Variants in TMCC1 observed in about 807,000 individuals in gnomAD.
TMCC1 encodes transmembrane and coiled-coil domain family 1, also known as transmembrane and coiled-coil domains protein 1.
A neutral mutation model predicts 52.4 loss-of-function variants in TMCC1; 15 were observed. The observed-to-expected ratio is 0.29, with a 90% confidence interval of 0.19 to 0.44. The LOEUF is 0.44. TMCC1 is among the 20% of genes least tolerant of loss of function. The probability of loss-of-function intolerance (pLI) is 1.00; values close to 1 mark genes in which losing one functional copy is unlikely to be tolerated. For missense variants in TMCC1, 503 were observed against 806.0 expected (o/e 0.62, Z 4.55); for synonymous variants, 279 against 301.9 (o/e 0.92, Z 0.79).
chr3:129,773,613 T>C (rs760520979), intron 4 of TMCC1, among the ~76,000 whole-genome samples: 3 of 152,130 alleles, frequency 2.0e-5, no homozygotes, highest in Non-Finnish European at 2.9e-5. Context: ...GTTCATAAAT[T>C]AACAACACAG....
intron 4 of TMCC1, among the ~76,000 whole-genome samples, chr3:129,796,114 A>G (rs1199931432): frequency 6.6e-6 from 1 of 152,212 alleles, no homozygotes; most frequent in Non-Finnish European, 1.5e-5. Flanking sequence ...GTGGTCCCAT[A>G]AGATTATAAT....
intron 2 of TMCC1, among the ~76,000 whole-genome samples, chr3:129,870,553 C>T (rs555700319): frequency 6.6e-6 from 1 of 151,702 alleles, no homozygotes; most frequent in East Asian, 1.9e-4. Flanking sequence ...TCCTGGCTAA[C>T]ATGGTGAAAC....
chr3:129,810,579 C>T lies in TMCC1; in HGVS notation c.576+17224G>A, dbSNP rs377303417. Among the ~76,000 whole-genome samples the T allele has an allele frequency of 4.6e-5, 7 of 152,236 alleles. No homozygotes were observed. The East Asian group carries it at 1.4e-3, about 29-fold the overall frequency. The stretch of plus-strand genomic sequence containing the variant: ...CAAGTTCACCCTATATCTTAAGGCT[C>T]AATGGGCAAACATTCCTAAGAAGAA... On this transcript the variant is annotated intron_variant, in intron 4 of 6. Transcript: ENST00000393238.
chr3:129,820,907 T>C lies in TMCC1; in HGVS notation c.576+6896A>G, dbSNP rs2811346. Reference sequence around the variant, plus strand: ...GCACTGTTCAGAGGTTAGTAAGAGGTGGCGACTTCCAGCAATTTCATTGTG... The same window carrying C: ...GCACTGTTCAGAGGTTAGTAAGAGGCGGCGACTTCCAGCAATTTCATTGTG... On this transcript the variant is annotated intron_variant, in intron 4 of 6. Coordinates refer to ENST00000393238, the MANE Select transcript of TMCC1 (RefSeq NM_001017395.5). Among the ~76,000 whole-genome samples the C allele has an allele frequency of 3.9e-3, 592 of 152,354 alleles. 2 individuals are homozygous for C. The highest frequency in any genetic ancestry group is 6.7e-3 in the Non-Finnish European group (458 of 68,042).
chr3:129,788,392 G>A (rs2056192595), intron 4 of TMCC1, among the ~76,000 whole-genome samples: 1 of 152,088 alleles, frequency 6.6e-6, no homozygotes, highest in African/African-American at 2.4e-5. Flanking sequence ...CTATAGGGAG[G>A]TCATTCTCTA....
At chr3:129,802,169 A>G (rs188342706) in intron 4 of TMCC1, among the ~76,000 whole-genome samples, 62 of 152,340 alleles carry the variant, frequency 4.1e-4, no homozygotes, top group Non-Finnish European at 7.5e-4. Flanking sequence ...ACACTCCAAC[A>G]TAAGATTGCA....
chr3:129,794,330 T>G (rs772026732), intron 4 of TMCC1: 1 of 456,296 alleles, frequency 2.2e-6, no homozygotes, highest in South Asian at 1.5e-5. Flanking sequence ...CCACCTTGGA[T>G]AGCTGCCTCC....
intron 4 of TMCC1, among the ~76,000 whole-genome samples, chr3:129,683,453 C>A (rs1332460589): frequency 6.6e-6 from 1 of 152,172 alleles, no homozygotes; most frequent in Non-Finnish European, 1.5e-5. Context: ...GCCTTTGATT[C>A]CAAATTGTGA....
intron 4 of TMCC1, among the ~76,000 whole-genome samples, chr3:129,683,626 G>A (rs2089184022): frequency 6.6e-6 from 1 of 152,074 alleles, no homozygotes; most frequent in Non-Finnish European, 1.5e-5. Context: ...ATGCAGTTTT[G>A]TTACATGGAC....
At chr3:129,668,380 T>C (rs1430199227) in intron 5 of TMCC1, among the ~76,000 whole-genome samples, 1 of 152,186 alleles carries the variant, frequency 6.6e-6, no homozygotes, top group Non-Finnish European at 1.5e-5. Flanking sequence ...TTCACTTAAA[T>C]ATCACAATAA....
At chr3:129,727,175 T>C (rs561561993) in intron 4 of TMCC1, among the ~76,000 whole-genome samples, 1 of 152,296 alleles carries the variant, frequency 6.6e-6, no homozygotes, top group Admixed American at 6.5e-5. Context: ...TTCTGCAATG[T>C]ACTCACTTTG....
intron 4 of TMCC1, among the ~76,000 whole-genome samples, chr3:129,707,904 C>T (rs2048364789): frequency 1.3e-5 from 2 of 151,822 alleles, no homozygotes; most frequent in Non-Finnish European, 2.9e-5. Flanking sequence ...TGCACTCCAG[C>T]CTGGCGACAG....
chr3:129,760,051 AT>A (rs1243702600), intron 4 of TMCC1, among the ~76,000 whole-genome samples: 2 of 151,760 alleles, frequency 1.3e-5, no homozygotes. Context: ...AATAGATTTT[AT>A]TTTTTAGAAT....
chr3:129,761,709 AG>A (rs1398200277), intron 4 of TMCC1, among the ~76,000 whole-genome samples: 1 of 152,014 alleles, frequency 6.6e-6, no homozygotes, highest in African/African-American at 2.4e-5. Flanking sequence ...GTACTAGCAG[AG>A]CTGGATGCAG....
intron 2 of TMCC1, among the ~76,000 whole-genome samples, chr3:129,863,722 C>T (rs545954245): frequency 6.6e-6 from 1 of 152,012 alleles, no homozygotes; most frequent in Non-Finnish European, 1.5e-5. Flanking sequence ...ATTAGCCAGG[C>T]GTGGTGGCGC....
chr3:129,872,738 A>C (rs1293524525), intron 2 of TMCC1, among the ~76,000 whole-genome samples: 1 of 152,162 alleles, frequency 6.6e-6, no homozygotes, highest in African/African-American at 2.4e-5. Flanking sequence ...GGTCCTAAAT[A>C]TTGCTGAGCT....
At chr3:129,673,829 G>A (rs1181861055) in intron 4 of TMCC1, among the ~76,000 whole-genome samples, 23 of 146,928 alleles carry the variant, frequency 1.6e-4, no homozygotes, top group African/African-American at 1.5e-4. Flanking sequence ...TCTCTAAAAT[G>A]AAAAAAAAAA....
chr3:129,652,227 T>A (rs933719573), intron 6 of TMCC1, among the ~76,000 whole-genome samples: 2 of 152,252 alleles, frequency 1.3e-5, no homozygotes, highest in Non-Finnish European at 2.9e-5. Context: ...GTTCACCCTT[T>A]TATGTGTGTA....
At chr3:129,739,254 GC>G (rs1210219239) in intron 4 of TMCC1, among the ~76,000 whole-genome samples, 1 of 151,722 alleles carries the variant, frequency 6.6e-6, no homozygotes, top group Non-Finnish European at 1.5e-5. Flanking sequence ...TGCAGCCTCT[GC>G]CTCCCAGATT....
Sources: allele counts gnomAD v4.1 joint callset (sites outside exome capture counted in the v4.1 genomes callset), GRCh38; gene constraint gnomAD v4.1.1; transcripts MANE v1.5; gene names NCBI Gene and HGNC (gene_info 2026-07-23, HGNC 2026-07-21).